The following KCNQ5 variants were observed in gnomAD, a reference collection of about 807,000 sequenced individuals.
KCNQ5 encodes potassium voltage-gated channel subfamily KQT member 5.
A neutral mutation model predicts 98.2 loss-of-function variants in KCNQ5; 30 were observed. That is an observed-to-expected ratio of 0.31 (90% CI 0.23 to 0.41). KCNQ5 has a LOEUF of 0.41. Among genes scored for constraint, KCNQ5 ranks in the 10% least tolerant of loss-of-function variants. The pLI, the probability that KCNQ5 is intolerant of heterozygous loss-of-function variation, is 1.00. For synonymous variants in KCNQ5, 458 were observed against 449.4 expected, an observed-to-expected ratio of 1.02 and a Z score of -0.24; for missense variants, 835 against 1,182.5, an observed-to-expected ratio of 0.71 and a Z score of 4.31.
chr6:73,107,661 A>G (rs537439013), intron 6 of KCNQ5, among the ~76,000 whole-genome samples: 159 of 152,364 alleles, frequency 1.0e-3, no homozygotes, highest in Admixed American at 3.7e-3. Flanking sequence ...GAGGTTAAAT[A>G]TGTCACTAGG....
At chr6:72,684,548 T>A (rs1258294921) in intron 1 of KCNQ5, among the ~76,000 whole-genome samples, 1 of 152,198 alleles carries the variant, frequency 6.6e-6, no homozygotes, top group Non-Finnish European at 1.5e-5. Flanking sequence ...TATTACACAT[T>A]GTATACATGT....
intron 1 of KCNQ5, among the ~76,000 whole-genome samples, chr6:72,777,254 A>G (rs949859336): frequency 1.3e-5 from 2 of 152,246 alleles, no homozygotes; most frequent in African/African-American, 4.8e-5. Context: ...CGAGAAGGAC[A>G]AGACATTACT....
intron 5 of KCNQ5, among the ~76,000 whole-genome samples, chr6:73,092,680 G>A (rs1193043947): frequency 6.6e-6 from 1 of 151,894 alleles, no homozygotes; most frequent in Non-Finnish European, 1.5e-5. Flanking sequence ...ATGTGATTTT[G>A]GTTTTTAATT....
chr6:72,930,153 T>C (rs1358014452), intron 1 of KCNQ5, among the ~76,000 whole-genome samples: 1 of 152,134 alleles, frequency 6.6e-6, no homozygotes, highest in Non-Finnish European at 1.5e-5. Context: ...TGCCTTTGTC[T>C]CATCATAGAG....
At chr6:72,913,720 T>A (rs1780030044) in intron 1 of KCNQ5, among the ~76,000 whole-genome samples, 2 of 152,090 alleles carry the variant, frequency 1.3e-5, no homozygotes, top group Admixed American at 1.3e-4. Flanking sequence ...CATCTTAGAG[T>A]CACGGCTGAG....
chr6:72,824,665 A>G (rs949505420), intron 1 of KCNQ5, among the ~76,000 whole-genome samples: 3 of 152,090 alleles, frequency 2.0e-5, no homozygotes, highest in East Asian at 3.9e-4. Context: ...CTGGCCAGCA[A>G]TGGAGATTTG....
intron 1 of KCNQ5, among the ~76,000 whole-genome samples, chr6:72,651,948 A>C (rs973960982): frequency 1.3e-5 from 2 of 152,028 alleles, no homozygotes; most frequent in Admixed American, 6.6e-5. Flanking sequence ...TGTAAAACTC[A>C]GATTATATTT....
intron 1 of KCNQ5, among the ~76,000 whole-genome samples, chr6:72,731,700 A>G (rs1770561388): frequency 6.6e-6 from 1 of 152,218 alleles, no homozygotes. Flanking sequence ...CTTTCCAAGA[A>G]GTCCCACTCT....
chr6:72,837,721 A>G (rs1322420811), intron 1 of KCNQ5, among the ~76,000 whole-genome samples: 5 of 152,194 alleles, frequency 3.3e-5, no homozygotes, highest in African/African-American at 4.8e-5. Context: ...AGATCAGAGA[A>G]GTCATGTTAT....
chr6:72,690,234 C>CA (rs1337706742), intron 1 of KCNQ5, among the ~76,000 whole-genome samples: 3 of 151,112 alleles, frequency 2.0e-5, no homozygotes, highest in Admixed American at 1.3e-4. Context: ...ATCCCGTCTC[C>CA]AAAAAAACAA....
At chr6:73,093,352 C>G (rs1011914354) in intron 5 of KCNQ5, among the ~76,000 whole-genome samples, 1 of 151,798 alleles carries the variant, frequency 6.6e-6, no homozygotes, top group Non-Finnish European at 1.5e-5. Context: ...TTTAAAGAAC[C>G]AGCTTTTTGT....
chr6:73,046,889 C>T (rs561480046), intron 3 of KCNQ5, among the ~76,000 whole-genome samples: 3 of 152,070 alleles, frequency 2.0e-5, no homozygotes, highest in South Asian at 4.1e-4. Flanking sequence ...GTAATCCACC[C>T]GCCTCAGCGT....
chr6:73,085,296 C>A (rs1481456239), intron 5 of KCNQ5, among the ~76,000 whole-genome samples: 1 of 152,154 alleles, frequency 6.6e-6, no homozygotes, highest in Non-Finnish European at 1.5e-5. Flanking sequence ...CAGGTGTCCT[C>A]TTTGCCACCA....
chr6:73,070,460 A>T (rs1010498353), intron 3 of KCNQ5, among the ~76,000 whole-genome samples: 1 of 152,200 alleles, frequency 6.6e-6, no homozygotes, highest in African/African-American at 2.4e-5. Context: ...CTTAGTTATT[A>T]TATAAATCTC....
At chr6:72,652,565 C>T (rs1317946326) in intron 1 of KCNQ5, among the ~76,000 whole-genome samples, 4 of 152,008 alleles carry the variant, frequency 2.6e-5, no homozygotes, top group Non-Finnish European at 4.4e-5. Flanking sequence ...TGGCTTTGTA[C>T]TGTTCCCTTT....
intron 1 of KCNQ5, among the ~76,000 whole-genome samples, chr6:72,910,404 G>T (rs1562061978): frequency 6.6e-6 from 1 of 152,104 alleles, no homozygotes; most frequent in Non-Finnish European, 1.5e-5. Flanking sequence ...TGCATATAAT[G>T]CTTATATTGA....
At chr6:73,128,004 G>T (rs1279816037) in intron 9 of KCNQ5, among the ~76,000 whole-genome samples, 2 of 152,178 alleles carry the variant, frequency 1.3e-5, no homozygotes, top group South Asian at 2.1e-4. Flanking sequence ...AGCAGAGGTT[G>T]CAGTGAGCTG....
At chr6:73,029,193 T>C (rs1328911476) in intron 2 of KCNQ5, among the ~76,000 whole-genome samples, 2 of 152,186 alleles carry the variant, frequency 1.3e-5, no homozygotes, top group Non-Finnish European at 2.9e-5. Context: ...AGGAGTCATC[T>C]CTATCAGAGA....
intron 1 of KCNQ5, among the ~76,000 whole-genome samples, chr6:72,914,973 G>C (rs1201116770): frequency 6.6e-6 from 1 of 152,118 alleles, no homozygotes; most frequent in Non-Finnish European, 1.5e-5. Flanking sequence ...CCTCTCAGTA[G>C]AGAAGGTTGC....
Sources: gnomAD v4.1 joint callset for allele counts (sites outside exome capture counted in the v4.1 genomes callset) on GRCh38, gnomAD v4.1.1 for gene constraint, MANE v1.5 for transcripts, NCBI Gene and HGNC (gene_info 2026-07-23, HGNC 2026-07-21) for gene names.